The following UVRAG variants were observed in gnomAD, a reference collection of about 807,000 sequenced individuals.
UVRAG encodes UV radiation resistance-associated gene protein.
Under a neutral mutation model 78.0 loss-of-function variants are expected in UVRAG, and 19 were observed. The ratio of observed to expected loss-of-function variants is 0.24; its 90% confidence interval spans 0.17 to 0.36. The LOEUF (loss-of-function observed/expected upper bound fraction) is 0.36. Ranked by LOEUF, UVRAG falls within the 10% of genes least tolerant of loss-of-function variation. UVRAG has a pLI of 1.00. For synonymous variants in UVRAG, 323 were observed against 324.6 expected (o/e 1.00, Z 0.05); for missense variants, 740 against 853.8 (o/e 0.87, Z 1.66).
chr11:76,119,326 T>C (rs1295939215), intron 14 of UVRAG, among the ~76,000 whole-genome samples: 1 of 152,154 alleles, frequency 6.6e-6, no homozygotes, highest in East Asian at 1.9e-4. Flanking sequence ...CTGTACTCTC[T>C]TCTCTTTTTT....
At chr11:76,085,475 A>G (rs1333193349) in intron 13 of UVRAG, among the ~76,000 whole-genome samples, 1 of 152,208 alleles carries the variant, frequency 6.6e-6, no homozygotes, top group Non-Finnish European at 1.5e-5. Flanking sequence ...ATGTGAATCA[A>G]TTGTGTCACC....
intron 3 of UVRAG, among the ~76,000 whole-genome samples, chr11:75,876,420 A>C (rs1490336939): frequency 6.6e-6 from 1 of 151,932 alleles, no homozygotes; most frequent in Non-Finnish European, 1.5e-5. Flanking sequence ...AGTGTGGATC[A>C]GCATAGTTAC....
chr11:75,828,780 C>CATATATATAT (rs71036067), intron 1 of UVRAG, among the ~76,000 whole-genome samples: 1 of 92,848 alleles, frequency 1.1e-5, no homozygotes, highest in Non-Finnish European at 2.0e-5. Flanking sequence ...TATATACACA[C>CATATATATAT]ATATATATAT....
chr11:76,121,922 A>C (rs561168122), intron 14 of UVRAG, among the ~76,000 whole-genome samples: 1 of 152,106 alleles, frequency 6.6e-6, no homozygotes, highest in South Asian at 2.1e-4. Flanking sequence ...GCCGAGTCTT[A>C]CCCACTAGGC....
chr11:75,960,333 C>T (rs1211691667), intron 6 of UVRAG, among the ~76,000 whole-genome samples: 1 of 151,520 alleles, frequency 6.6e-6, no homozygotes, highest in Non-Finnish European at 1.5e-5. Context: ...TATCCCATGA[C>T]CTTGCTAAAT....
At chr11:75,869,586 A>G (rs1209409450) in intron 3 of UVRAG, among the ~76,000 whole-genome samples, 1 of 152,236 alleles carries the variant, frequency 6.6e-6, no homozygotes, top group Non-Finnish European at 1.5e-5. Context: ...TAATCAACAA[A>G]TCAACACATG....
At chr11:76,046,035 A>G (rs937046560) in intron 12 of UVRAG, among the ~76,000 whole-genome samples, 1 of 152,310 alleles carries the variant, frequency 6.6e-6, no homozygotes, top group Admixed American at 6.5e-5. Flanking sequence ...ATACATACAA[A>G]GGAATAGGAG....
At chr11:75,919,535 C>A (rs140376520) in intron 6 of UVRAG, among the ~76,000 whole-genome samples, 2 of 152,282 alleles carry the variant, frequency 1.3e-5, no homozygotes, top group African/African-American at 4.8e-5. Flanking sequence ...TAGCTACTGT[C>A]CTACCTTTGT....
chr11:75,853,455 G>A (rs1452230527), intron 2 of UVRAG, among the ~76,000 whole-genome samples: 1 of 150,978 alleles, frequency 6.6e-6, no homozygotes, highest in Non-Finnish European at 1.5e-5. Context: ...CGCCTCCCTG[G>A]ATTCTAGTGA....
At chr11:76,081,496 G>A (rs1284481881) in intron 13 of UVRAG, among the ~76,000 whole-genome samples, 2 of 152,004 alleles carry the variant, frequency 1.3e-5, no homozygotes, top group Non-Finnish European at 2.9e-5. Flanking sequence ...GTGAGTGACC[G>A]ACCGCACCTG....
intron 5 of UVRAG, chr11:75,911,079 A>G (rs1324957800): frequency 6.5e-6 from 1 of 153,012 alleles, no homozygotes; most frequent in East Asian, 1.9e-4. Flanking sequence ...TTGACCTAAC[A>G]CCGAATTTAT....
chr11:75,929,618 G>A (rs1948190409), intron 6 of UVRAG, among the ~76,000 whole-genome samples: 1 of 152,112 alleles, frequency 6.6e-6, no homozygotes, highest in African/African-American at 2.4e-5. Flanking sequence ...GAAGCCCGTT[G>A]TCATCTTCTA....
At chr11:75,992,719 T>C (rs1201537583) in intron 8 of UVRAG, among the ~76,000 whole-genome samples, 1 of 152,214 alleles carries the variant, frequency 6.6e-6, no homozygotes, top group Non-Finnish European at 1.5e-5. Flanking sequence ...CAATATTCTA[T>C]TCTAAACATA....
chr11:76,076,214 A>G (rs1951401449), intron 13 of UVRAG, among the ~76,000 whole-genome samples: 1 of 152,200 alleles, frequency 6.6e-6, no homozygotes, highest in Admixed American at 6.5e-5. Context: ...CTACTAATGT[A>G]CAAAGGTTCT....
At chr11:76,082,536 T>TA (rs1407887382) in intron 13 of UVRAG, among the ~76,000 whole-genome samples, 3 of 14,444 alleles carry the variant, frequency 2.1e-4, no homozygotes, top group Non-Finnish European at 3.4e-4. Context: ...CGAGACTCCG[T>TA]CCCAAAAAAA....
intron 6 of UVRAG, among the ~76,000 whole-genome samples, chr11:75,937,577 C>T (rs1948397583): frequency 6.6e-6 from 1 of 152,118 alleles, no homozygotes; most frequent in Non-Finnish European, 1.5e-5. Context: ...TGTTGCTCCA[C>T]TGTTTTCTAG....
At chr11:76,080,021 G>T (rs1426248087) in intron 13 of UVRAG, among the ~76,000 whole-genome samples, 1 of 152,118 alleles carries the variant, frequency 6.6e-6, no homozygotes, top group Admixed American at 6.5e-5. Context: ...ATCAACCCAT[G>T]GCAGATGTGA....
intron 11 of UVRAG, among the ~76,000 whole-genome samples, chr11:76,014,394 G>C (rs146490537): frequency 2.6e-4 from 39 of 152,318 alleles, no homozygotes; most frequent in Non-Finnish European, 4.4e-4. Context: ...GAAAGGAAAA[G>C]CTTTGTATAA....
intron 12 of UVRAG, among the ~76,000 whole-genome samples, chr11:76,062,559 T>C (rs942606787): frequency 9.9e-5 from 15 of 152,216 alleles, no homozygotes; most frequent in African/African-American, 3.6e-4. Flanking sequence ...GAGACTGCTA[T>C]CCTCCAGGAC....
Sources: allele counts gnomAD v4.1 joint callset (sites outside exome capture counted in the v4.1 genomes callset), GRCh38; gene constraint gnomAD v4.1.1; transcripts MANE v1.5; gene names NCBI Gene and HGNC (gene_info 2026-07-23, HGNC 2026-07-21).